Variants in FER observed in about 807,000 individuals in gnomAD.
FER encodes FER tyrosine kinase, also known as tyrosine-protein kinase Fer.
In FER, 63 loss-of-function variants were observed where a neutral mutation model predicts 111.0. The ratio of observed to expected loss-of-function variants is 0.57; its 90% CI spans 0.46 to 0.70. FER has a LOEUF of 0.70. Ranked by LOEUF, FER falls within the 30% of genes least tolerant of loss-of-function variation. The pLI, the probability that FER is intolerant of heterozygous loss-of-function variation, is 0.00. For synonymous variants in FER, 327 were observed against 313.9 expected, an observed-to-expected ratio of 1.04 and a Z score of -0.44; for missense variants, 914 against 954.0, an observed-to-expected ratio of 0.96 and a Z score of 0.55.
intron 16 of FER, among the ~76,000 whole-genome samples, chr5:109,056,566 G>A (rs1392835446): frequency 6.6e-6 from 1 of 152,138 alleles, no homozygotes; most frequent in East Asian, 1.9e-4. Context: ...CAGAGGGCAG[G>A]AACAGAGGAA....
intron 18 of FER, among the ~76,000 whole-genome samples, chr5:109,183,810 C>T (rs1481580990): frequency 1.3e-5 from 2 of 152,048 alleles, no homozygotes; most frequent in Admixed American, 6.6e-5. Flanking sequence ...GTTGTCACTG[C>T]GTTATCATAA....
chr5:108,817,103 CAAA>C (rs70999913), intron 3 of FER, among the ~76,000 whole-genome samples: 155 of 59,100 alleles, frequency 2.6e-3, no homozygotes, highest in African/African-American at 7.4e-3. Context: ...GACACTGTCT[CAAA>C]AAAAAAAAAA....
intron 17 of FER, among the ~76,000 whole-genome samples, chr5:109,170,545 A>C (rs927634276): frequency 2.0e-5 from 3 of 152,264 alleles, no homozygotes; most frequent in Middle Eastern, 3.4e-3. Context: ...ATATACAAAG[A>C]CATCTATGCC....
intron 5 of FER, among the ~76,000 whole-genome samples, chr5:108,851,899 C>T (rs1407429329): frequency 6.6e-6 from 1 of 152,176 alleles, no homozygotes; most frequent in African/African-American, 2.4e-5. Context: ...CTTTATCATA[C>T]ATCATGTTCA....
chr5:108,860,944 CT>C (rs1763458146), intron 5 of FER, among the ~76,000 whole-genome samples: 1 of 152,146 alleles, frequency 6.6e-6, no homozygotes, highest in Non-Finnish European at 1.5e-5. Flanking sequence ...ACCAGATCTT[CT>C]GAGAACTCAC....
At chr5:108,896,518 G>T (rs546418890) in intron 9 of FER, among the ~76,000 whole-genome samples, 2 of 152,060 alleles carry the variant, frequency 1.3e-5, no homozygotes, top group African/African-American at 4.8e-5. Context: ...TCTCACAAAT[G>T]TTCTTACTCA....
intron 16 of FER, among the ~76,000 whole-genome samples, chr5:109,056,412 A>G (rs1278697754): frequency 2.6e-5 from 4 of 152,220 alleles, no homozygotes; most frequent in Non-Finnish European, 5.9e-5. Context: ...AGATCTGACC[A>G]TTTGTCAAAA....
At chr5:108,866,345 A>G in intron 5 of FER, among the ~76,000 whole-genome samples, 1 of 152,194 alleles carries the variant, frequency 6.6e-6, no homozygotes, top group Admixed American at 6.5e-5. Flanking sequence ...ACAAAAAACT[A>G]AACACCGCGT....
At chr5:108,972,660 T>C (rs1760820312) in intron 13 of FER, among the ~76,000 whole-genome samples, 1 of 152,148 alleles carries the variant, frequency 6.6e-6, no homozygotes, top group Admixed American at 6.6e-5. Context: ...ACGTGTAATA[T>C]ACATTCAGTA....
intron 10 of FER, among the ~76,000 whole-genome samples, chr5:108,939,248 C>A (rs1285293231): frequency 2.0e-5 from 3 of 151,938 alleles, no homozygotes; most frequent in African/African-American, 7.2e-5. Flanking sequence ...CAAAAGATTT[C>A]TTTTCCTATT....
intron 17 of FER, among the ~76,000 whole-genome samples, chr5:109,151,057 A>G (rs1754784805): frequency 6.6e-6 from 1 of 152,170 alleles, no homozygotes; most frequent in Non-Finnish European, 1.5e-5. Flanking sequence ...CTTTGAAAGT[A>G]GAAAAATAGT....
intron 10 of FER, among the ~76,000 whole-genome samples, chr5:108,933,477 T>C (rs1754996678): frequency 6.6e-6 from 1 of 152,214 alleles, no homozygotes; most frequent in East Asian, 1.9e-4. Flanking sequence ...ACCAGTACCA[T>C]GCTGTTTTGG....
chr5:108,757,536 C>A (rs1286228212), intron 1 of FER, among the ~76,000 whole-genome samples: 2 of 152,098 alleles, frequency 1.3e-5, no homozygotes, highest in African/African-American at 4.8e-5. Flanking sequence ...GCACATCAAT[C>A]CTCCATGCCT....
intron 13 of FER, among the ~76,000 whole-genome samples, chr5:108,969,385 A>G (rs1202013134): frequency 6.6e-6 from 1 of 152,170 alleles, no homozygotes; most frequent in Non-Finnish European, 1.5e-5. Flanking sequence ...GCTCCAAGAG[A>G]CATTGTTAAT....
At chr5:109,182,771 G>T (rs1758414389) in intron 18 of FER, among the ~76,000 whole-genome samples, 1 of 152,176 alleles carries the variant, frequency 6.6e-6, no homozygotes, top group South Asian at 2.1e-4. Flanking sequence ...ACAAATTAAA[G>T]TTTCAATTCT....
intron 2 of FER, among the ~76,000 whole-genome samples, chr5:108,796,045 A>G (rs1755980063): frequency 6.6e-6 from 1 of 152,172 alleles, no homozygotes; most frequent in South Asian, 2.1e-4. Flanking sequence ...AGGTAATACA[A>G]GGTACTTGGG....
intron 13 of FER, among the ~76,000 whole-genome samples, chr5:109,006,057 C>T (rs1314009033): frequency 2.0e-5 from 3 of 152,188 alleles, no homozygotes; most frequent in Non-Finnish European, 4.4e-5. Context: ...GTTTATGGTA[C>T]TGCACAAAGC....
intron 18 of FER, among the ~76,000 whole-genome samples, chr5:109,185,102 T>G (rs78333949): frequency 0.024 from 3,620 of 152,288 alleles, 70 homozygotes; most frequent in East Asian, 0.076. Context: ...GGCTGGAGAT[T>G]GGAAAAAACT....
chr5:108,967,712 A>G (rs1391831989), intron 13 of FER, among the ~76,000 whole-genome samples: 1 of 132,780 alleles, frequency 7.5e-6, no homozygotes, highest in Non-Finnish European at 1.6e-5. Flanking sequence ...GTGAGCCAAG[A>G]TTGTGCCACT....
Sources: gnomAD v4.1 joint callset for allele counts (sites outside exome capture counted in the v4.1 genomes callset) on GRCh38, gnomAD v4.1.1 for gene constraint, MANE v1.5 for transcripts, NCBI Gene and HGNC (gene_info 2026-07-23, HGNC 2026-07-21) for gene names.